NR2C1: variants seen among roughly 807,000 people sequenced by gnomAD.
NR2C1 encodes nuclear receptor subfamily 2 group C member 1, also known as TR2 nuclear hormone receptor.
Under a neutral mutation model 74.8 loss-of-function variants are expected in NR2C1, and 33 were observed. The ratio of observed to expected loss-of-function variants is 0.44; its 90% CI spans 0.33 to 0.59. The LOEUF (loss-of-function observed/expected upper bound fraction) is 0.59. NR2C1 is among the 20% of genes least tolerant of loss of function. NR2C1 has a pLI of 0.02. For synonymous variants in NR2C1, 225 were observed against 240.6 expected (o/e 0.94, Z 0.60); for missense variants, 568 against 715.6 (o/e 0.79, Z 2.35).
intron 7 of NR2C1, among the ~76,000 whole-genome samples, chr12:95,057,039 G>A (rs1468591929): frequency 2.7e-5 from 4 of 150,146 alleles, no homozygotes; most frequent in African/African-American, 4.9e-5. Flanking sequence ...GGAAGAGTAC[G>A]TGTTTGTTGC....
chr12:95,059,241 G>A (rs1167836465), intron 4 of NR2C1, among the ~76,000 whole-genome samples: 1 of 151,256 alleles, frequency 6.6e-6, no homozygotes, highest in Non-Finnish European at 1.5e-5. Context: ...GGCAGAGGTT[G>A]CAGTGAGCCG....
intron 11 of NR2C1, among the ~76,000 whole-genome samples, chr12:95,029,238 T>C (rs1869749812): frequency 6.6e-6 from 1 of 151,590 alleles, no homozygotes; most frequent in Non-Finnish European, 1.5e-5. Flanking sequence ...AGCGCCACCA[T>C]GAATGGCTAA....
In NR2C1 at chr12:95,022,053, C is replaced by T; in HGVS notation, c.*176G>A. ...TCAGGAAGAAAAATTCATTTAATTT[C>T]TGCTGCCTGCCCAGTCACTTCAAAA... On this transcript the variant is annotated 3_prime_UTR_variant, in exon 14 of 14. Coordinates refer to ENST00000333003, the MANE Select transcript of NR2C1 (RefSeq NM_003297.4). The T allele has an allele frequency of 8.6e-6, 4 of 466,668 alleles. No homozygotes were observed. Among genetic ancestry groups the T allele is most frequent in the Non-Finnish European group, 1.5e-5 (4 of 270,322 alleles). The allele number at this position is 466,668 out of a possible 1,614,324, so 28.9% of individuals were successfully genotyped here.
chr12:95,022,197 CAGTTA>C lies in NR2C1; in HGVS notation c.*27_*31del. 2 of 1,540,100 alleles carry C rather than the reference CAGTTA, an allele frequency of 1.3e-6. No homozygotes were observed. The highest frequency in any genetic ancestry group is 2.5e-5 in the South Asian group (2 of 79,438). On this transcript the variant is annotated 3_prime_UTR_variant, in exon 14 of 14. Transcript: ENST00000333003. ...TGGTGTCTTGTGTTCTGGCAAAGAACAGTTAAGTTTACAGCACTGCAGTCACAGTT... is the reference window on the plus strand; with the variant it reads ...TGGTGTCTTGTGTTCTGGCAAAGAACAGTTTACAGCACTGCAGTCACAGTT...
chr12:95,047,525 T>C (rs1242782420), intron 9 of NR2C1, among the ~76,000 whole-genome samples: 3 of 152,242 alleles, frequency 2.0e-5, no homozygotes, highest in Non-Finnish European at 2.9e-5. Context: ...TCAAATTTTA[T>C]AGATACAAAT....
chr12:95,034,349 G>C (rs1870548012), intron 10 of NR2C1, among the ~76,000 whole-genome samples: 1 of 152,046 alleles, frequency 6.6e-6, no homozygotes, highest in Non-Finnish European at 1.5e-5. Flanking sequence ...TATAGAAAAT[G>C]CTTAAAAATA....
chr12:95,060,470 G>A (rs753401261), intron 3 of NR2C1, among the ~76,000 whole-genome samples: 45 of 152,106 alleles, frequency 3.0e-4, no homozygotes, highest in Non-Finnish European at 4.7e-4. Context: ...CCTGGCCTAC[G>A]TGGTGAAACC....
chr12:95,030,451 T>A, intron 11 of NR2C1: 2 of 1,413,246 alleles, frequency 1.4e-6, no homozygotes, highest in Non-Finnish European at 1.8e-6. Flanking sequence ...TAGAGGGACA[T>A]GTTTAAAACC....
At chr12:95,065,204 T>C (rs866661368) in intron 2 of NR2C1, among the ~76,000 whole-genome samples, 5 of 152,078 alleles carry the variant, frequency 3.3e-5, no homozygotes, top group South Asian at 2.1e-4. Flanking sequence ...TTTTTTGAGA[T>C]GGAGTTTTAC....
intron 10 of NR2C1, among the ~76,000 whole-genome samples, chr12:95,036,745 A>G (rs920956670): frequency 9.9e-5 from 15 of 152,136 alleles, no homozygotes; most frequent in Admixed American, 9.8e-4. Flanking sequence ...TCCTGGCCTC[A>G]AGTGATCCGC....
chr12:95,071,649 G>GC (rs1185259264), intron 1 of NR2C1, among the ~76,000 whole-genome samples: 1 of 151,646 alleles, frequency 6.6e-6, no homozygotes, highest in Non-Finnish European at 1.5e-5. Flanking sequence ...ACAAAATGAG[G>GC]CCCCCCACCA....
At position 95,073,546 on chromosome 12, in the gene NR2C1, G is replaced by C. The variant is rs556075868; in HGVS notation, c.-174C>G. 2.0e-5 allele frequency: 3 copies of C among 152,260 alleles called. No individual in the cohort carries two copies. Among genetic ancestry groups the C allele is most frequent in the South Asian group, 2.1e-4 (1 of 4,824 alleles). The allele number at this position is 152,260 out of a possible 1,614,324, so 9.4% of individuals were successfully genotyped here. On this transcript the variant is annotated 5_prime_UTR_variant, in exon 1 of 14. Transcript: ENST00000333003. ...GAGCTTTCTGTGTTTGGGTATTTCT[G>C]GGGGGTCAGAGTTCGTGACCTCTTT...
chr12:95,057,411 T>G, intron 7 of NR2C1, 142 bp downstream of exon 7: 1 of 623,056 alleles, frequency 1.6e-6, no homozygotes, highest in Non-Finnish European at 2.6e-6. Context: ...AGCCGAACAT[T>G]TCTAATTTAT....
At chr12:95,031,283 C>T (rs1158816802) in intron 11 of NR2C1, 66 bp downstream of exon 11, 1 of 1,337,318 alleles carries the variant, frequency 7.5e-7, no homozygotes, top group Non-Finnish European at 9.9e-7. Flanking sequence ...TAACTTTAGT[C>T]ATAACATTTA....
chr12:95,064,932 ATTGT>A (rs1386247009), intron 2 of NR2C1, among the ~76,000 whole-genome samples: 2 of 152,222 alleles, frequency 1.3e-5, no homozygotes, highest in Non-Finnish European at 2.9e-5. Context: ...TCTAAAGCAA[ATTGT>A]TTGGATAAAA....
At chr12:95,034,716 C>T (rs1870597781) in intron 10 of NR2C1, among the ~76,000 whole-genome samples, 1 of 152,140 alleles carries the variant, frequency 6.6e-6, no homozygotes, top group Admixed American at 6.6e-5. Flanking sequence ...GATACACAAA[C>T]ATTTACTATT....
chr12:95,066,731 G>T (rs1275028552), intron 2 of NR2C1, among the ~76,000 whole-genome samples: 1 of 152,126 alleles, frequency 6.6e-6, no homozygotes, highest in Non-Finnish European at 1.5e-5. Context: ...TATAAATGCT[G>T]ACACATTTCA....
chr12:95,067,999 G>C (rs1875987440), intron 1 of NR2C1, among the ~76,000 whole-genome samples: 1 of 150,164 alleles, frequency 6.7e-6, no homozygotes, highest in African/African-American at 2.5e-5. Context: ...TCCTGCCTCA[G>C]CCTCCCAAGT....
intron 3 of NR2C1, among the ~76,000 whole-genome samples, chr12:95,061,600 T>C (rs1874791570): frequency 6.6e-6 from 1 of 152,206 alleles, no homozygotes. Flanking sequence ...CAAATATCAT[T>C]GGATGAATAG....
Sources: gnomAD v4.1 joint callset for allele counts (sites outside exome capture counted in the v4.1 genomes callset) on GRCh38, gnomAD v4.1.1 for gene constraint, MANE v1.5 for transcripts, NCBI Gene and HGNC (gene_info 2026-07-23, HGNC 2026-07-21) for gene names.